TENM2: variants seen among roughly 807,000 people sequenced by gnomAD.
TENM2 encodes the protein teneurin-2.
TENM2 carries 52 observed loss-of-function variants against 245.2 expected under a neutral mutation model. The ratio of observed to expected loss-of-function variants is 0.21; its 90% CI spans 0.17 to 0.27. The LOEUF is 0.27. Ranked by LOEUF, TENM2 falls within the 10% of genes least tolerant of loss-of-function variation. The pLI is 1.00. For missense variants in TENM2, 3,046 were observed against 3,666.8 expected (o/e 0.83, Z 4.37); for synonymous variants, 1,363 against 1,438.9 (o/e 0.95, Z 1.19).
chr5:167,427,746 A>T, intron 2 of TENM2, among the ~76,000 whole-genome samples: 1 of 118,546 alleles, frequency 8.4e-6, no homozygotes, highest in African/African-American at 3.7e-5. Context: ...ACGGAAAGGA[A>T]GGGAAGGAAG....
At chr5:166,985,786 A>C in the TENM2 span, among the ~76,000 whole-genome samples, 1 of 152,060 alleles carries the variant, frequency 6.6e-6, no homozygotes, top group Admixed American at 6.6e-5. Flanking sequence ...AAGGGGGTGA[A>C]AAAGGATCCT....
chr5:167,372,709 A>T (rs1157780488), intron 1 of TENM2, among the ~76,000 whole-genome samples: 9 of 152,230 alleles, frequency 5.9e-5, no homozygotes, highest in Non-Finnish European at 2.9e-5. Flanking sequence ...AACATATCTT[A>T]TGACTCTGTC....
chr5:167,160,225 C>A, the TENM2 span, among the ~76,000 whole-genome samples: 1 of 152,212 alleles, frequency 6.6e-6, no homozygotes, highest in Admixed American at 6.5e-5. Flanking sequence ...TGTGTACCAC[C>A]CTGTGTTAAC....
chr5:167,325,624 T>C (rs1275043529), intron 1 of TENM2, among the ~76,000 whole-genome samples: 1 of 152,232 alleles, frequency 6.6e-6, no homozygotes, highest in Admixed American at 6.5e-5. Flanking sequence ...TGCTCCTAAT[T>C]ATATCTTGTG....
intron 2 of TENM2, among the ~76,000 whole-genome samples, chr5:167,536,077 G>A (rs922489990): frequency 6.6e-6 from 1 of 152,162 alleles, no homozygotes; most frequent in Non-Finnish European, 1.5e-5. Flanking sequence ...ACCATGCAGA[G>A]TGTGAATCCT....
chr5:167,949,629 T>C (rs534304187), intron 3 of TENM2, among the ~76,000 whole-genome samples: 1 of 152,286 alleles, frequency 6.6e-6, no homozygotes, highest in Non-Finnish European at 1.5e-5. Context: ...TTTTCACCAG[T>C]TGGCAGATGA....
At chr5:167,501,052 C>G (rs915689172) in intron 2 of TENM2, among the ~76,000 whole-genome samples, 1 of 152,134 alleles carries the variant, frequency 6.6e-6, no homozygotes, top group Non-Finnish European at 1.5e-5. Context: ...TCTTGTTTTC[C>G]TCTGGCCTTT....
chr5:168,255,042 G>A (rs1444750787), intron 27 of TENM2, among the ~76,000 whole-genome samples: 5 of 149,454 alleles, frequency 3.3e-5, no homozygotes, highest in Admixed American at 6.7e-5. Flanking sequence ...GCAAGACGCT[G>A]TCTCAAAAAA....
chr5:168,149,987 G>C (rs943014606), intron 12 of TENM2, among the ~76,000 whole-genome samples: 4 of 152,008 alleles, frequency 2.6e-5, no homozygotes, highest in African/African-American at 9.7e-5. Context: ...TTATCATCAG[G>C]GGCTTCCCTG....
At position 167,445,369 on chromosome 5, in the gene TENM2, A is replaced by AGAGTGAGT. The variant is rs35699708; in HGVS notation, c.502+69897_502+69898insAGTGAGTG. Among the ~76,000 whole-genome samples the AGAGTGAGT allele has an allele frequency of 6.3e-4, 62 of 98,594 alleles. 2 individuals are homozygous for AGAGTGAGT. The highest frequency in any genetic ancestry group is 2.9e-3 in the African/African-American group (58 of 19,836). The allele number at this position is 98,594 out of a possible 152,430, so 64.7% of individuals were successfully genotyped here. A position where few individuals can be genotyped will look rare whatever the true frequency, so the allele number is the denominator to read the frequency against. ...GAGAGAGAGAGAGAGAGAGAGAGAG[A>AGAGTGAGT]GTGTCAGGTGTTGTCTTGTTGTTGG... is the stretch of plus-strand genomic sequence containing the variant. On this transcript the variant is annotated intron_variant, in intron 2 of 28. Coordinates refer to ENST00000518659, the Ensembl canonical transcript of TENM2.
At chr5:167,269,500 C>T in the TENM2 span, among the ~76,000 whole-genome samples, 2 of 151,468 alleles carry the variant, frequency 1.3e-5, no homozygotes, top group Non-Finnish European at 1.5e-5. Flanking sequence ...ATATTATATG[C>T]TTACTCATAA....
chr5:167,353,794 A>G (rs984169716), intron 1 of TENM2, among the ~76,000 whole-genome samples: 1 of 151,854 alleles, frequency 6.6e-6, no homozygotes, highest in Non-Finnish European at 1.5e-5. Flanking sequence ...GGCGTGAGCC[A>G]CCGCGCCCGG....
At chr5:167,275,044 A>C in the TENM2 span, among the ~76,000 whole-genome samples, 1 of 151,972 alleles carries the variant, frequency 6.6e-6, no homozygotes, top group Non-Finnish European at 1.5e-5. Flanking sequence ...ATTTAAACTA[A>C]ATTAAGGAGT....
chr5:168,080,215 C>T (rs1207000469), intron 7 of TENM2, among the ~76,000 whole-genome samples: 3 of 152,096 alleles, frequency 2.0e-5, no homozygotes, highest in Non-Finnish European at 4.4e-5. Flanking sequence ...AGTTTATTTG[C>T]GTAGAGGTGT....
At chr5:167,203,501 C>G in the TENM2 span, among the ~76,000 whole-genome samples, 1 of 152,142 alleles carries the variant, frequency 6.6e-6, no homozygotes, top group Admixed American at 6.5e-5. Context: ...CCTCCTGTCC[C>G]CAGACTGAAG....
intron 2 of TENM2, among the ~76,000 whole-genome samples, chr5:167,456,654 A>T (rs548888779): frequency 1.3e-5 from 2 of 152,348 alleles, no homozygotes; most frequent in Admixed American, 1.3e-4. Flanking sequence ...CTTTTTACAC[A>T]AGATGGATGT....
the TENM2 span, among the ~76,000 whole-genome samples, chr5:167,166,581 A>G: frequency 2.0e-5 from 3 of 152,092 alleles, no homozygotes; most frequent in African/African-American, 2.4e-5. Flanking sequence ...TAAGTTCCAA[A>G]TGTCTATCCA....
chr5:167,469,992 T>C (rs971478739), intron 2 of TENM2, among the ~76,000 whole-genome samples: 8 of 152,196 alleles, frequency 5.3e-5, no homozygotes, highest in African/African-American at 1.9e-4. Context: ...TTTCCAGATA[T>C]AACTCACTTC....
chr5:168,222,770 C>T (rs578084634), intron 23 of TENM2, among the ~76,000 whole-genome samples: 4 of 152,182 alleles, frequency 2.6e-5, no homozygotes, highest in African/African-American at 9.7e-5. Context: ...TCCTTAGCAC[C>T]TATTACTCAC....
Sources: allele counts gnomAD v4.1 joint callset (sites outside exome capture counted in the v4.1 genomes callset), GRCh38; gene constraint gnomAD v4.1.1; transcripts MANE v1.5; gene names NCBI Gene and HGNC (gene_info 2026-07-23, HGNC 2026-07-21).